Variants in SUCLG2 observed in about 807,000 individuals in gnomAD.
The protein encoded by SUCLG2 is succinate--CoA ligase [GDP-forming] subunit beta, mitochondrial.
In SUCLG2, 42 loss-of-function variants were observed where a neutral mutation model predicts 47.9. The observed-to-expected ratio is 0.88, with a 90% confidence interval of 0.69 to 1.14. SUCLG2 has a LOEUF of 1.14. SUCLG2 is among the 50% of genes most tolerant of loss of function. SUCLG2 has a pLI of 0.00. For missense variants in SUCLG2, 571 were observed against 525.9 expected (o/e 1.09, Z -0.84); for synonymous variants, 195 against 197.3 (o/e 0.99, Z 0.10).
chr3:67,602,964 G>C (rs1708451353), intron 2 of SUCLG2, among the ~76,000 whole-genome samples: 1 of 152,156 alleles, frequency 6.6e-6, no homozygotes, highest in African/African-American at 2.4e-5. Flanking sequence ...AGGAACCAAA[G>C]AGGCCAACAG....
chr3:67,380,227 T>C (rs1446920622), intron 10 of SUCLG2, among the ~76,000 whole-genome samples: 1 of 151,700 alleles, frequency 6.6e-6, no homozygotes, highest in Non-Finnish European at 1.5e-5. Flanking sequence ...TGGCTCCTTT[T>C]GCTGGGAAGG....
intron 9 of SUCLG2, among the ~76,000 whole-genome samples, chr3:67,471,737 G>C (rs1001498592): frequency 6.6e-6 from 1 of 152,134 alleles, no homozygotes; most frequent in Non-Finnish European, 1.5e-5. Flanking sequence ...GGTCCTGAGG[G>C]TAGCAGAGAA....
chr3:67,441,443 T>G (rs1393671932), intron 9 of SUCLG2, among the ~76,000 whole-genome samples: 2 of 151,908 alleles, frequency 1.3e-5, no homozygotes, highest in Non-Finnish European at 2.9e-5. Flanking sequence ...TGGAGACTCA[T>G]GGGAAGGAAT....
intron 9 of SUCLG2, among the ~76,000 whole-genome samples, chr3:67,403,328 CT>C (rs763756948): frequency 2.0e-5 from 3 of 152,290 alleles, no homozygotes; most frequent in Non-Finnish European, 4.4e-5. Flanking sequence ...CTTTGTGCTT[CT>C]CTAAAACAAA....
At chr3:67,497,707 A>G (rs544243523) in intron 8 of SUCLG2, among the ~76,000 whole-genome samples, 1 of 152,306 alleles carries the variant, frequency 6.6e-6, no homozygotes, top group South Asian at 2.1e-4. Flanking sequence ...TACTAAGCAA[A>G]GTTTAACTGA....
At chr3:67,487,497 T>TACACACACAC (rs780375893) in intron 9 of SUCLG2, among the ~76,000 whole-genome samples, 784 of 55,066 alleles carry the variant, frequency 0.014, 3 homozygotes, top group African/African-American at 0.048. Context: ...CAAACACACA[T>TACACACACAC]ATACACACAC....
intron 10 of SUCLG2, among the ~76,000 whole-genome samples, chr3:67,387,695 C>A (rs983608196): frequency 2.0e-5 from 3 of 152,136 alleles, no homozygotes; most frequent in South Asian, 2.1e-4. Flanking sequence ...CAAAATACCA[C>A]ATTCAAGATT....
chr3:67,389,333 G>C (rs574623938), intron 10 of SUCLG2, among the ~76,000 whole-genome samples: 1 of 152,304 alleles, frequency 6.6e-6, no homozygotes, highest in South Asian at 2.1e-4. Context: ...TGGAGAGAGT[G>C]CATGTGGAGA....
At chr3:67,535,791 T>C (rs1391020033) in intron 2 of SUCLG2, among the ~76,000 whole-genome samples, 2 of 152,100 alleles carry the variant, frequency 1.3e-5, no homozygotes, top group Non-Finnish European at 2.9e-5. Flanking sequence ...CATCTGTCTG[T>C]CACTACCTAA....
chr3:67,363,388 G>C (rs1414242014), intron 10 of SUCLG2, among the ~76,000 whole-genome samples: 1 of 152,194 alleles, frequency 6.6e-6, no homozygotes, highest in African/African-American at 2.4e-5. Context: ...TTCAAGTAGA[G>C]AGCATGTTTG....
At position 67,640,731 on chromosome 3, in the gene SUCLG2, T is replaced by C. The variant is rs563680176; in HGVS notation, c.84+13772A>G. Reference sequence around the variant, plus strand: ...TGCTATTACTCCTTTTTTTCTTTCATTAGAACCCTCAGAAGTGATTTCACT... The same window carrying C: ...TGCTATTACTCCTTTTTTTCTTTCACTAGAACCCTCAGAAGTGATTTCACT... On this transcript the variant is annotated intron_variant, in intron 1 of 10. Transcript: ENST00000307227. Among the ~76,000 whole-genome samples, 214 of 152,344 alleles carry C rather than the reference T, an allele frequency of 1.4e-3. 3 individuals are homozygous for C. The highest frequency in any genetic ancestry group is 3.4e-3 in the Middle Eastern group (1 of 294).
intron 9 of SUCLG2, among the ~76,000 whole-genome samples, chr3:67,448,018 C>T (rs928867401): frequency 8.5e-5 from 13 of 152,124 alleles, no homozygotes; most frequent in African/African-American, 2.7e-4. Context: ...CATGACCCAC[C>T]GCACCCGGCT....
At chr3:67,553,317 T>C (rs753458301) in intron 2 of SUCLG2, among the ~76,000 whole-genome samples, 5 of 152,238 alleles carry the variant, frequency 3.3e-5, no homozygotes, top group Non-Finnish European at 5.9e-5. Flanking sequence ...ATGGTGGCTT[T>C]GCCACAAAGG....
At chr3:67,523,364 T>C (rs1401368774) in intron 4 of SUCLG2, among the ~76,000 whole-genome samples, 3 of 152,194 alleles carry the variant, frequency 2.0e-5, no homozygotes. Flanking sequence ...ATATAAAAAC[T>C]GTTTCTCAGC....
intron 1 of SUCLG2, among the ~76,000 whole-genome samples, chr3:67,632,020 A>C (rs917523152): frequency 6.6e-6 from 1 of 152,244 alleles, no homozygotes; most frequent in Admixed American, 6.5e-5. Flanking sequence ...CTAACAGTTC[A>C]GTAATCGTGT....
Position 67,491,043 on chromosome 3 carries a change from C to T in SUCLG2, c.1062+4755G>A, listed in dbSNP as rs78622192. Reference sequence around the variant, plus strand: ...GATATTAGAAATTACCTTTGAGGGCCGAACACAGTGGCTACTGCCTGTAAC... The same window carrying T: ...GATATTAGAAATTACCTTTGAGGGCTGAACACAGTGGCTACTGCCTGTAAC... On this transcript the variant is annotated intron_variant, in intron 9 of 10. Coordinates refer to ENST00000307227, the MANE Select transcript of SUCLG2 (RefSeq NM_003848.4). Among the ~76,000 whole-genome samples the T allele has an allele frequency of 4.6e-3, 695 of 151,980 alleles. 12 individuals are homozygous for T. In the East Asian group the frequency reaches 0.059, roughly 13 times the overall value.
chr3:67,621,183 T>C (rs1186301168), intron 1 of SUCLG2, among the ~76,000 whole-genome samples: 2 of 152,178 alleles, frequency 1.3e-5, no homozygotes, highest in Non-Finnish European at 2.9e-5. Context: ...AAAGCTTTAT[T>C]TGGCTAGCAG....
At chr3:67,561,890 G>T (rs1358464062) in intron 2 of SUCLG2, among the ~76,000 whole-genome samples, 1 of 152,144 alleles carries the variant, frequency 6.6e-6, no homozygotes, top group Non-Finnish European at 1.5e-5. Context: ...TAAATCTTGT[G>T]TATTGCTAGT....
chr3:67,451,173 C>G (rs1056657149), intron 9 of SUCLG2, among the ~76,000 whole-genome samples: 2 of 152,200 alleles, frequency 1.3e-5, no homozygotes, highest in Non-Finnish European at 2.9e-5. Context: ...TCTTCTAACA[C>G]CTTTCACAAT....
Sources: gnomAD v4.1 joint callset for allele counts (sites outside exome capture counted in the v4.1 genomes callset) on GRCh38, gnomAD v4.1.1 for gene constraint, MANE v1.5 for transcripts, NCBI Gene and HGNC (gene_info 2026-07-23, HGNC 2026-07-21) for gene names.